Variants in DLGAP2 observed in about 807,000 individuals in gnomAD.
DLGAP2 encodes disks large-associated protein 2.
A neutral mutation model predicts 100.3 loss-of-function variants in DLGAP2; 26 were observed. The observed-to-expected ratio is 0.26, with a 90% CI of 0.19 to 0.36. The LOEUF is 0.36. Among genes scored for constraint, DLGAP2 ranks in the 10% least tolerant of loss-of-function variants. The pLI is 1.00. For missense variants in DLGAP2, 1,858 were observed against 1,453.2 expected (o/e 1.28, Z -4.53); for synonymous variants, 886 against 630.1 (o/e 1.41, Z -6.08).
At chr8:780,755 C>G (rs922950059) in intron 1 of DLGAP2, among the ~76,000 whole-genome samples, 5 of 152,252 alleles carry the variant, frequency 3.3e-5, no homozygotes, top group African/African-American at 7.2e-5. Context: ...GTCGCCGTGT[C>G]TGGCAGATGT....
At chr8:1,596,702 C>A (rs561893615) in intron 6 of DLGAP2, among the ~76,000 whole-genome samples, 1 of 152,128 alleles carries the variant, frequency 6.6e-6, no homozygotes, top group Non-Finnish European at 1.5e-5. Context: ...TATCGTTCAC[C>A]CACTTTATGA....
At chr8:925,758 T>C (rs1798801217) in intron 2 of DLGAP2, among the ~76,000 whole-genome samples, 1 of 152,164 alleles carries the variant, frequency 6.6e-6, no homozygotes, top group African/African-American at 2.4e-5. Flanking sequence ...GTTATGAGGC[T>C]GACGAGTCTG....
At chr8:1,127,936 C>T (rs534709989) in intron 2 of DLGAP2, among the ~76,000 whole-genome samples, 10 of 152,322 alleles carry the variant, frequency 6.6e-5, no homozygotes, top group Admixed American at 2.6e-4. Flanking sequence ...GATTAAGCCA[C>T]GCAAAATGTT....
At chr8:1,468,674 G>A (rs1389057677) in intron 3 of DLGAP2, among the ~76,000 whole-genome samples, 3 of 152,302 alleles carry the variant, frequency 2.0e-5, no homozygotes, top group East Asian at 3.9e-4. Context: ...TGGGGCTGCC[G>A]TAAAACGTGA....
At chr8:1,437,201 A>T (rs934487008) in intron 3 of DLGAP2, among the ~76,000 whole-genome samples, 11 of 149,952 alleles carry the variant, frequency 7.3e-5, no homozygotes, top group Non-Finnish European at 1.3e-4. Flanking sequence ...CGTTCAGCCC[A>T]GGCGCGTAAG....
In DLGAP2 at chr8:1,499,342, T is replaced by C. The variant is rs746789099; in HGVS notation, c.107-2024T>C. On this transcript the variant is annotated intron_variant, in intron 3 of 14. Coordinates refer to ENST00000637795, the MANE Select transcript of DLGAP2 (RefSeq NM_001346810.2). ...AGCCCCTGCCTTGTCTCTGTGTGCA[T>C]GTGTGCTGAAAGTCTGGTGTAAGGA... is the stretch of plus-strand genomic sequence containing the variant. Among the ~76,000 whole-genome samples, 5 of 152,358 alleles carry C rather than the reference T, an allele frequency of 3.3e-5. No individual in the cohort carries two copies. In the South Asian group the frequency reaches 1.0e-3, roughly 32 times the overall value.
chr8:1,444,225 A>T (rs565692018), intron 3 of DLGAP2, among the ~76,000 whole-genome samples: 46 of 152,300 alleles, frequency 3.0e-4, no homozygotes, highest in South Asian at 1.0e-3. Flanking sequence ...CTCTGGGATT[A>T]TAGGCATGAG....
intron 2 of DLGAP2, among the ~76,000 whole-genome samples, chr8:1,049,968 A>C (rs1035326985): frequency 6.6e-6 from 1 of 152,258 alleles, no homozygotes; most frequent in Non-Finnish European, 1.5e-5. Flanking sequence ...TGTCACACAC[A>C]TGTGCCTACG....
rs370005538 is a variant in DLGAP2, at chr8:744,096, A to G, written c.18+6271A>G. On this transcript the variant is annotated intron_variant, in intron 1 of 14. Transcript: ENST00000637795. ...CTTGTTCTGGTGGCCGTGGCAGTCT[A>G]TGGATGGAGCCATCATCGTGGTTCT... Among the ~76,000 whole-genome samples, 120 of 152,254 alleles carry G rather than the reference A, an allele frequency of 7.9e-4. 1 individual carries two copies. The highest frequency in any genetic ancestry group is 2.8e-3 in the African/African-American group (115 of 41,558).
chr8:1,233,732 C>T (rs1368102748), intron 2 of DLGAP2, among the ~76,000 whole-genome samples: 3 of 152,058 alleles, frequency 2.0e-5, no homozygotes, highest in East Asian at 3.9e-4. Context: ...CTGGGAAACA[C>T]GCAGGGCTGT....
rs868336426 is a variant in DLGAP2 at position 1,334,013 on chromosome 8, G to C, written c.106+75130G>C. Among the ~76,000 whole-genome samples the C allele has an allele frequency of 6.1e-4, 93 of 152,356 alleles. 1 individual carries two copies. Among genetic ancestry groups the C allele is most frequent in the African/African-American group, 2.0e-3 (82 of 41,600 alleles). On this transcript the variant is annotated intron_variant, in intron 3 of 14. Transcript: ENST00000637795. Reference sequence around the variant, plus strand: ...ACTGAGGGCACCATGCCGGGGAAGAGGCTTCCTTGCGTGAGGAAGGCCCAC... The same window carrying C: ...ACTGAGGGCACCATGCCGGGGAAGACGCTTCCTTGCGTGAGGAAGGCCCAC...
intron 4 of DLGAP2, among the ~76,000 whole-genome samples, chr8:1,542,227 ATTTAT>A (rs768267425): frequency 1.3e-4 from 20 of 152,318 alleles, no homozygotes; most frequent in Non-Finnish European, 2.2e-4. Flanking sequence ...ACATGCGTGT[ATTTAT>A]TTTATTCGAG....
intron 2 of DLGAP2, among the ~76,000 whole-genome samples, chr8:972,138 T>A (rs1292023131): frequency 3.9e-5 from 6 of 152,124 alleles, no homozygotes; most frequent in African/African-American, 1.4e-4. Context: ...TAAACCTACA[T>A]CTATAGCAGA....
intron 6 of DLGAP2, chr8:1,621,360 A>G (rs1797329767): frequency 6.5e-6 from 1 of 152,724 alleles, no homozygotes; most frequent in Non-Finnish European, 1.5e-5. Context: ...GGTCAGCTAC[A>G]CGAGGACCAG....
In DLGAP2 at chr8:1,678,431, C is replaced by G. The variant is rs1383085817; in HGVS notation, c.2506C>G (p.Gln836Glu). Residue 836 changes from glutamine to glutamate, a missense_variant, in exon 12 of 15, where the codon CAA (glutamine) becomes GAA (glutamate). By Grantham distance (29) the Gln-to-Glu change is conservative. Coordinates refer to ENST00000637795, the MANE Select transcript of DLGAP2 (RefSeq NM_001346810.2). ...LFSYREDYRT[Q>E]VDTSTLPPPD... Reference sequence around the variant, plus strand: ...CAGCTATAGAGAAGACTATCGGACCCAAGTGGACACCTCCACCCTGCCCCC... The same window carrying G: ...CAGCTATAGAGAAGACTATCGGACCGAAGTGGACACCTCCACCCTGCCCCC... 6.2e-7 allele frequency: 1 copy of G among 1,613,550 alleles called. No homozygotes were observed. The highest frequency in any genetic ancestry group is 8.5e-7 in the Non-Finnish European group (1 of 1,179,740).
intron 3 of DLGAP2, among the ~76,000 whole-genome samples, chr8:1,422,123 AG>A (rs1376520807): frequency 4.6e-5 from 7 of 152,308 alleles, no homozygotes; most frequent in Non-Finnish European, 1.0e-4. Context: ...CAAGGTGTGT[AG>A]GACAGCTACC....
intron 3 of DLGAP2, among the ~76,000 whole-genome samples, chr8:1,325,886 C>T (rs1421051254): frequency 6.6e-6 from 1 of 152,156 alleles, no homozygotes; most frequent in South Asian, 2.1e-4. Flanking sequence ...GTTTTGATCT[C>T]CTTTTTCTAT....
At chr8:836,456 T>C (rs1171578949) in intron 1 of DLGAP2, among the ~76,000 whole-genome samples, 1 of 152,172 alleles carries the variant, frequency 6.6e-6, no homozygotes, top group Non-Finnish European at 1.5e-5. Context: ...CTGGCAGGGA[T>C]GGGGTCCGAG....
chr8:930,946 G>A (rs1282029187), intron 2 of DLGAP2, among the ~76,000 whole-genome samples: 1 of 152,246 alleles, frequency 6.6e-6, no homozygotes, highest in African/African-American at 2.4e-5. Flanking sequence ...GAGGGAGGCA[G>A]GGGAAGGGCA....
Sources: allele counts gnomAD v4.1 joint callset (sites outside exome capture counted in the v4.1 genomes callset), GRCh38; gene constraint gnomAD v4.1.1; transcripts MANE v1.5; gene names NCBI Gene and HGNC (gene_info 2026-07-23, HGNC 2026-07-21).